The following CFAP70 variants were observed in gnomAD, a reference collection of about 807,000 sequenced individuals.
The protein encoded by CFAP70 is cilia and flagella associated protein 70, also known as cilia- and flagella-associated protein 70.
In CFAP70, 81 loss-of-function variants were observed where a neutral mutation model predicts 137.6. The observed-to-expected ratio is 0.59, with a 90% confidence interval of 0.49 to 0.71. The LOEUF (loss-of-function observed/expected upper bound fraction) is 0.71. Among genes scored for constraint, CFAP70 ranks in the 30% least tolerant of loss-of-function variants. The pLI, the probability that CFAP70 is intolerant of heterozygous loss-of-function variation, is 0.00. For synonymous variants in CFAP70, 382 were observed against 423.6 expected (o/e 0.90, Z 1.20); for missense variants, 976 against 1,226.7 (o/e 0.80, Z 3.05).
chr10:73,327,878 AG>A (rs1451885826), intron 8 of CFAP70, among the ~76,000 whole-genome samples: 1 of 152,230 alleles, frequency 6.6e-6, no homozygotes, highest in Non-Finnish European at 1.5e-5. Context: ...GCTCATGGGT[AG>A]GAAGAATCAA....
chr10:73,257,173 A>G (rs1285934280), intron 25 of CFAP70, among the ~76,000 whole-genome samples: 2 of 152,158 alleles, frequency 1.3e-5, no homozygotes, highest in Non-Finnish European at 2.9e-5. Flanking sequence ...ATTATTCCCA[A>G]TTTACAGAGA....
intron 16 of CFAP70, 132 bp from the exon 18 acceptor site, chr10:73,292,146 C>T: frequency 8.8e-7 from 1 of 1,139,372 alleles, no homozygotes; most frequent in Non-Finnish European, 1.2e-6. Flanking sequence ...TTGCTTATCA[C>T]TGAATCTCAA....
chr10:73,334,589 T>G (rs1261415481), intron 7 of CFAP70, among the ~76,000 whole-genome samples: 1 of 151,794 alleles, frequency 6.6e-6, no homozygotes, highest in Non-Finnish European at 1.5e-5. Flanking sequence ...GGACTCTTTT[T>G]TTTTTTTTTG....
intron 7 of CFAP70, among the ~76,000 whole-genome samples, chr10:73,331,984 T>C (rs1297524812): frequency 1.3e-5 from 2 of 152,166 alleles, no homozygotes; most frequent in Non-Finnish European, 2.9e-5. Flanking sequence ...CCACCTGTAC[T>C]TGCAACAAGA....
intron 4 of CFAP70, among the ~76,000 whole-genome samples, chr10:73,346,064 A>T (rs1310022539): frequency 1.3e-5 from 2 of 151,158 alleles, no homozygotes; most frequent in Non-Finnish European, 2.9e-5. Flanking sequence ...ATGCCCAGCT[A>T]ATTTTTGTAG....
chr10:73,346,756 A>G (rs2053751654), intron 4 of CFAP70, among the ~76,000 whole-genome samples: 1 of 152,232 alleles, frequency 6.6e-6, no homozygotes, highest in African/African-American at 2.4e-5. Context: ...TAGTGTCAAG[A>G]TTTATGCAAA....
At chr10:73,258,289 C>T (rs1441286607) in intron 25 of CFAP70, among the ~76,000 whole-genome samples, 1 of 152,138 alleles carries the variant, frequency 6.6e-6, no homozygotes, top group African/African-American at 2.4e-5. Context: ...TTATTAGTTC[C>T]CCAAATTAAT....
Position 73,305,798 on chromosome 10 carries a change from T to C in CFAP70, c.1256+4360A>G, listed in dbSNP as rs1035611675. 2.0e-5 allele frequency among the ~76,000 whole-genome samples: 3 copies of C among 152,144 alleles called. No individual in the cohort carries two copies. The South Asian group carries it at 6.2e-4, about 32-fold the overall frequency. On this transcript the variant is annotated intron_variant, in intron 12 of 26. Coordinates refer to ENST00000310715, the Ensembl canonical transcript of CFAP70. The stretch of plus-strand genomic sequence containing the variant: ...ATAAAATACAAATAGTACAAATAAA[T>C]AAAAGTATGACTCTTTCAAAGAAAA...
chr10:73,256,381 C>G (rs777490491), exon 26 of CFAP70: 1 of 1,614,106 alleles, frequency 6.2e-7, no homozygotes, highest in East Asian at 2.2e-5. Flanking sequence ...TGATCATGTA[C>G]TTGTAGGCCT....
chr10:73,325,647 C>T (rs559899136), intron 8 of CFAP70, among the ~76,000 whole-genome samples: 2 of 152,028 alleles, frequency 1.3e-5, no homozygotes, highest in African/African-American at 4.8e-5. Flanking sequence ...GGAAGATCTA[C>T]CAAGCAAATG....
intron 8 of CFAP70, 42 bp from the exon 10 acceptor site, chr10:73,323,139 T>C (rs2051028820): frequency 5.1e-6 from 8 of 1,556,412 alleles, no homozygotes; most frequent in East Asian, 4.6e-5. Flanking sequence ...CTATAAGCAA[T>C]GTAATATAAG....
rs560926082 is a variant in CFAP70, at chr10:73,308,687, T to C, written c.1256+1471A>G. ...AGCATATTTTCTGATCACAAGGAAATAGAACTAAAACCCAGTAACAGAAGA... is the reference window on the plus strand; with the variant it reads ...AGCATATTTTCTGATCACAAGGAAACAGAACTAAAACCCAGTAACAGAAGA... On this transcript the variant is annotated intron_variant, in intron 12 of 26. Transcript: ENST00000310715. Among the ~76,000 whole-genome samples the C allele has an allele frequency of 2.3e-3, 283 of 125,030 alleles. 2 individuals carry two copies. Among genetic ancestry groups the C allele is most frequent in the African/African-American group, 7.8e-3 (257 of 32,940 alleles). 82.0% of individuals were successfully genotyped at this position (125,030 alleles called of 152,430 possible). A position where few individuals can be genotyped will look rare whatever the true frequency, so the allele number is the denominator to read the frequency against.
At chr10:73,283,593 G>A (rs780893423) in intron 19 of CFAP70, among the ~76,000 whole-genome samples, 2 of 152,038 alleles carry the variant, frequency 1.3e-5, no homozygotes, top group Non-Finnish European at 2.9e-5. Flanking sequence ...GTTTCTCTTT[G>A]TCTCAATTGA....
At chr10:73,331,395 G>A (rs897167805) in intron 7 of CFAP70, 119 bp from the exon 9 acceptor site, 22 of 847,832 alleles carry the variant, frequency 2.6e-5, no homozygotes, top group Non-Finnish European at 3.9e-5. Flanking sequence ...ATAAAAATTG[G>A]GGGGCTCGGC....
intron 19 of CFAP70, among the ~76,000 whole-genome samples, chr10:73,280,181 GT>G (rs2047158659): frequency 6.6e-6 from 1 of 151,998 alleles, no homozygotes; most frequent in Non-Finnish European, 1.5e-5. Flanking sequence ...AAGAATTATT[GT>G]GTCTAACCAG....
chr10:73,273,763 T>C (rs1034290359), intron 23 of CFAP70, among the ~76,000 whole-genome samples: 3 of 152,212 alleles, frequency 2.0e-5, no homozygotes, highest in Admixed American at 6.5e-5. Context: ...TGCTGTTTTA[T>C]ATTAAATAAA....
chr10:73,353,443 T>C, intron 3 of CFAP70, 113 bp downstream of exon 3: 4 of 1,002,242 alleles, frequency 4.0e-6, no homozygotes, highest in Non-Finnish European at 5.9e-6. Flanking sequence ...GTCCTTTCTT[T>C]CTCATGATTT....
intron 7 of CFAP70, among the ~76,000 whole-genome samples, chr10:73,333,085 A>G (rs945874207): frequency 3.7e-4 from 57 of 152,230 alleles, no homozygotes; most frequent in Non-Finnish European, 5.7e-4. Flanking sequence ...AGAAAGAATC[A>G]AAAGGAAATG....
intron 3 of CFAP70, among the ~76,000 whole-genome samples, chr10:73,348,788 C>T (rs749340623): frequency 2.0e-5 from 3 of 152,054 alleles, no homozygotes; most frequent in Admixed American, 1.3e-4. Flanking sequence ...TGAGGCTGGG[C>T]GTGGTGGCTC....
Sources: allele counts gnomAD v4.1 joint callset (sites outside exome capture counted in the v4.1 genomes callset), GRCh38; gene constraint gnomAD v4.1.1; transcripts MANE v1.5; gene names NCBI Gene and HGNC (gene_info 2026-07-23, HGNC 2026-07-21).